The following POLR2F variants were observed in gnomAD, a reference collection of about 807,000 sequenced individuals.
The protein encoded by POLR2F is DNA-directed RNA polymerases I, II, and III subunit RPABC2.
POLR2F carries 12 observed loss-of-function variants against 22.7 expected under a neutral mutation model. That is an observed-to-expected ratio of 0.53 (90% CI 0.34 to 0.86). POLR2F has a LOEUF of 0.86. Among genes scored for constraint, POLR2F ranks in the 40% least tolerant of loss-of-function variants. The probability of loss-of-function intolerance (pLI) is 0.02; values close to 1 mark genes in which losing one functional copy is unlikely to be tolerated. For synonymous variants in POLR2F, 57 were observed against 66.0 expected (o/e 0.86, Z 0.66); for missense variants, 126 against 171.5 (o/e 0.73, Z 1.48).
chr22:37,979,248 C>T (rs1219266581), intron 4 of POLR2F, among the ~76,000 whole-genome samples: 2 of 151,854 alleles, frequency 1.3e-5, no homozygotes, highest in African/African-American at 4.8e-5. Flanking sequence ...CAGGCACGCA[C>T]CACCATGCCT....
intron 1 of POLR2F, among the ~76,000 whole-genome samples, chr22:37,993,619 C>G (rs935128711): frequency 6.6e-6 from 1 of 152,174 alleles, no homozygotes; most frequent in East Asian, 1.9e-4. Flanking sequence ...ACCAGTGAGA[C>G]TGGGATAAGC....
chr22:38,006,769 C>T (rs2084825272), intron 1 of POLR2F, among the ~76,000 whole-genome samples: 2 of 152,198 alleles, frequency 1.3e-5, no homozygotes, highest in African/African-American at 4.8e-5. Context: ...AGCTCTGTCA[C>T]CTCTGTTTAT....
At chr22:37,973,289 G>C (rs767159715), downstream of POLR2F, 3 of 560,258 alleles carry the variant, frequency 5.4e-6, no homozygotes, top group Non-Finnish European at 9.5e-6. Context: ...TGTCCAGCCT[G>C]TTCTCCTGGG....
At chr22:37,973,499 G>A, downstream of POLR2F, 1 of 1,591,426 alleles carries the variant, frequency 6.3e-7, no homozygotes, top group Non-Finnish European at 8.6e-7. Flanking sequence ...CCCCCTTTAG[G>A]GCCGGGACAG....
At chr22:37,987,906 T>C (rs1435374428) in intron 1 of POLR2F, 2 of 153,088 alleles carry the variant, frequency 1.3e-5, no homozygotes, top group Non-Finnish European at 2.9e-5. Flanking sequence ...GCTTCTCAAA[T>C]GGGAAGGCGC....
intron 5 of POLR2F, chr22:38,032,043 G>A (rs1419060447): frequency 1.3e-5 from 2 of 152,072 alleles, no homozygotes; most frequent in African/African-American, 4.8e-5. Flanking sequence ...CGTGGCCCAG[G>A]TTGGAGTACA....
chr22:38,026,876 C>T (rs1235969187), downstream of POLR2F, among the ~76,000 whole-genome samples: 1 of 151,476 alleles, frequency 6.6e-6, no homozygotes, highest in Non-Finnish European at 1.5e-5. Flanking sequence ...CCCCCAGTCT[C>T]CTACCCCGGC....
chr22:37,988,598 C>A (rs931803351), intron 1 of POLR2F, among the ~76,000 whole-genome samples: 8 of 152,100 alleles, frequency 5.3e-5, no homozygotes, highest in African/African-American at 1.9e-4. Flanking sequence ...TTGCAGTGAG[C>A]CGAGATCGCA....
At chr22:38,026,332 A>G (rs2085010184) in exon 3 of POLR2F, 1 of 529,814 alleles carries the variant, frequency 1.9e-6, no homozygotes, top group Non-Finnish European at 3.9e-6. Context: ...AGAGGCCAGC[A>G]GACCCAGGAC....
At chr22:38,028,499 T>C (rs147603466), downstream of POLR2F, among the ~76,000 whole-genome samples, 6 of 152,148 alleles carry the variant, frequency 3.9e-5, no homozygotes, top group South Asian at 2.1e-4. Context: ...CGTGTGTGTG[T>C]GTGCGTGTGC....
chr22:37,955,742 G>T (rs1931368240), intron 1 of POLR2F, among the ~76,000 whole-genome samples: 1 of 151,924 alleles, frequency 6.6e-6, no homozygotes, highest in South Asian at 2.1e-4. Flanking sequence ...GAGTGCAGTG[G>T]GGTGACCGTG....
chr22:37,962,247 C>A (rs199719872), intron 3 of POLR2F, among the ~76,000 whole-genome samples: 270 of 147,224 alleles, frequency 1.8e-3, no homozygotes, highest in African/African-American at 5.1e-3. Flanking sequence ...AACAAACAAA[C>A]AAAAAAAAAA....
chr22:38,015,985 G>A (rs2084912054), intron 1 of POLR2F, among the ~76,000 whole-genome samples: 1 of 152,012 alleles, frequency 6.6e-6, no homozygotes, highest in Non-Finnish European at 1.5e-5. Flanking sequence ...CTCTGCTCAA[G>A]CATCCACCCC....
At chr22:38,007,487 G>A (rs967038376) in intron 1 of POLR2F, among the ~76,000 whole-genome samples, 1 of 152,240 alleles carries the variant, frequency 6.6e-6, no homozygotes, top group Non-Finnish European at 1.5e-5. Flanking sequence ...AAGGAATGCT[G>A]GGAGCCTGGG....
chr22:38,037,523 C>T, intron 5 of POLR2F, among the ~76,000 whole-genome samples: 1 of 148,626 alleles, frequency 6.7e-6, no homozygotes, highest in East Asian at 2.0e-4. Context: ...CAGTCCTCTG[C>T]TTTGGTCTCC....
chr22:38,012,801 G>T (rs990571134), intron 1 of POLR2F, among the ~76,000 whole-genome samples: 3 of 152,148 alleles, frequency 2.0e-5, no homozygotes, highest in Admixed American at 2.0e-4. Context: ...TCAAATGAGG[G>T]TGTGGATTTT....
rs753744669 is a variant in POLR2F at position 38,025,843 on chromosome 22, C to T, written c.121-26C>T. ...TGGTGTTTCCTATGTATGAAACTCA[C>T]TTCACCAAGTTGACATCCTCCCCAG... On this transcript the variant is annotated intron_variant, in intron 1 of 2. Coordinates refer to the POLR2F transcript ENST00000333418. The T allele has an allele frequency of 1.6e-4, 200 of 1,246,020 alleles. 7 individuals are homozygous for T. In the South Asian group the frequency reaches 1.9e-3, roughly 12 times the overall value. The allele number at this position is 1,246,020 out of a possible 1,614,324, so 77.2% of individuals were successfully genotyped here.
chr22:38,012,884 T>C (rs1211785330), intron 1 of POLR2F, among the ~76,000 whole-genome samples: 1 of 152,212 alleles, frequency 6.6e-6, no homozygotes, highest in African/African-American at 2.4e-5. Context: ...TGATATGTCT[T>C]ATTCATGGTG....
intron 1 of POLR2F, among the ~76,000 whole-genome samples, chr22:38,010,602 GTTTTTTTTTTTT>G (rs1159353447): frequency 1.6e-5 from 1 of 60,890 alleles, no homozygotes; most frequent in Non-Finnish European, 3.2e-5. Context: ...AATTCCTTGT[GTTTTTTTTTTTT>G]TTTTTTTTTT....
Sources: gnomAD v4.1 joint callset for allele counts (sites outside exome capture counted in the v4.1 genomes callset) on GRCh38, gnomAD v4.1.1 for gene constraint, MANE v1.5 for transcripts, NCBI Gene and HGNC (gene_info 2026-07-23, HGNC 2026-07-21) for gene names.